CSMD2: variants seen among roughly 807,000 people sequenced by gnomAD.
CSMD2 encodes the protein CUB and Sushi multiple domains 2.
CSMD2 carries 130 observed loss-of-function variants against 398.5 expected under a neutral mutation model. The ratio of observed to expected loss-of-function variants is 0.33; its 90% CI spans 0.28 to 0.38. CSMD2 has a LOEUF of 0.38. Among genes scored for constraint, CSMD2 ranks in the 10% least tolerant of loss-of-function variants. The pLI, the probability that CSMD2 is intolerant of heterozygous loss-of-function variation, is 1.00. For synonymous variants in CSMD2, 1,828 were observed against 1,908.5 expected (o/e 0.96, Z 1.10); for missense variants, 3,829 against 4,764.9 (o/e 0.80, Z 5.78).
intron 13 of CSMD2, among the ~76,000 whole-genome samples, chr1:33,744,592 T>C (rs1647205169): frequency 6.6e-6 from 1 of 151,056 alleles, no homozygotes; most frequent in African/African-American, 2.4e-5. Context: ...AGAAAACAAA[T>C]AAATACTAAA....
intron 1 of CSMD2, among the ~76,000 whole-genome samples, chr1:34,092,918 G>C (rs1402306175): frequency 6.6e-6 from 1 of 152,036 alleles, no homozygotes; most frequent in East Asian, 1.9e-4. Context: ...AGCTCAAGGA[G>C]GCCTGCCTGC....
chr1:33,778,560 T>A (rs1312092320), intron 12 of CSMD2, among the ~76,000 whole-genome samples: 1 of 151,810 alleles, frequency 6.6e-6, no homozygotes, highest in Non-Finnish European at 1.5e-5. Flanking sequence ...GTATTTTTGA[T>A]CACTGTGTAC....
At chr1:33,932,101 T>C (rs994995863) in intron 4 of CSMD2, among the ~76,000 whole-genome samples, 8 of 152,150 alleles carry the variant, frequency 5.3e-5, no homozygotes, top group African/African-American at 1.9e-4. Flanking sequence ...CCACTGTTGG[T>C]GGGGACACTT....
In CSMD2 at chr1:34,076,307, A is replaced by G. The variant is rs963056376; in HGVS notation, c.404+12670T>C. 9.2e-5 allele frequency among the ~76,000 whole-genome samples: 14 copies of G among 152,366 alleles called. No individual in the cohort carries two copies. The South Asian group carries it at 2.5e-3, about 27-fold the overall frequency. On this transcript the variant is annotated intron_variant, in intron 2 of 70. Coordinates refer to ENST00000373381, the MANE Select transcript of CSMD2 (RefSeq NM_001281956.2). ...CTTGCCCAAGTTCACAGACATAGAA[A>G]GAGGAGTAAAACCCAGGTATGTCTT...
chr1:33,614,370 G>A (rs1641246090), intron 40 of CSMD2, 134 bp downstream of exon 40: 2 of 661,614 alleles, frequency 3.0e-6, no homozygotes, highest in African/African-American at 3.6e-5. Context: ...GAGGTCAACA[G>A]ATGAGAAAAC....
At chr1:33,986,210 C>T (rs575866351) in intron 3 of CSMD2, among the ~76,000 whole-genome samples, 8 of 152,166 alleles carry the variant, frequency 5.3e-5, no homozygotes, top group Admixed American at 1.3e-4. Flanking sequence ...CACTCAGCTC[C>T]GGCTTCTGGG....
At chr1:33,575,912 G>A (rs1660027533) in intron 49 of CSMD2, among the ~76,000 whole-genome samples, 1 of 152,146 alleles carries the variant, frequency 6.6e-6, no homozygotes, top group East Asian at 1.9e-4. Context: ...CCACTACTGG[G>A]AACCAAAGGA....
At chr1:33,615,191 C>A (rs918380310) in intron 39 of CSMD2, among the ~76,000 whole-genome samples, 7 of 152,194 alleles carry the variant, frequency 4.6e-5, no homozygotes, top group African/African-American at 1.7e-4. Context: ...GAGCCAACCA[C>A]CAGGCTGTCT....
intron 1 of CSMD2, among the ~76,000 whole-genome samples, chr1:34,148,752 A>ATTTG (rs1640015938): frequency 6.6e-6 from 1 of 152,198 alleles, no homozygotes; most frequent in African/African-American, 2.4e-5. Context: ...CCAAGAATGA[A>ATTTG]CTAGGACGAA....
chr1:34,107,584 C>T (rs1660645247), intron 1 of CSMD2, among the ~76,000 whole-genome samples: 1 of 152,178 alleles, frequency 6.6e-6, no homozygotes, highest in Non-Finnish European at 1.5e-5. Flanking sequence ...TCTGGTGCCA[C>T]ATCCTGTCTT....
chr1:34,087,235 C>T (rs2618775), intron 2 of CSMD2, among the ~76,000 whole-genome samples: 46,323 of 151,752 alleles, frequency 0.31, 7,244 homozygotes, highest in Admixed American at 0.37. Context: ...TCATAGCTCT[C>T]TTTCCCCTGG....
At chr1:33,856,853 G>A (rs966233350) in intron 5 of CSMD2, among the ~76,000 whole-genome samples, 5 of 151,780 alleles carry the variant, frequency 3.3e-5, no homozygotes, top group Admixed American at 2.0e-4. Flanking sequence ...TTGGAGAGGT[G>A]GCTTCACTTC....
intron 12 of CSMD2, among the ~76,000 whole-genome samples, chr1:33,784,830 T>C (rs1338675982): frequency 6.6e-6 from 1 of 152,200 alleles, no homozygotes; most frequent in Middle Eastern, 3.2e-3. Context: ...AGATCTCATT[T>C]CACTCTCCTA....
intron 3 of CSMD2, among the ~76,000 whole-genome samples, chr1:34,019,163 C>A (rs558586439): frequency 4.6e-5 from 7 of 152,194 alleles, no homozygotes; most frequent in Non-Finnish European, 7.3e-5. Context: ...TAGAAGAGTG[C>A]CTGGCACCTG....
chr1:34,085,925 A>G (rs1162067199), intron 2 of CSMD2, among the ~76,000 whole-genome samples: 1 of 150,602 alleles, frequency 6.6e-6, no homozygotes, highest in Non-Finnish European at 1.5e-5. Context: ...GAATGTGTGT[A>G]TGGGGTTGTG....
At chr1:34,103,045 A>G (rs1306118403) in intron 1 of CSMD2, among the ~76,000 whole-genome samples, 6 of 152,140 alleles carry the variant, frequency 3.9e-5, no homozygotes, top group African/African-American at 1.4e-4. Context: ...TGTTGGTTGA[A>G]TGAATGAATA....
At chr1:33,743,675 AG>A in intron 13 of CSMD2, 69 bp from the exon 14 acceptor site, 2 of 1,123,254 alleles carry the variant, frequency 1.8e-6, no homozygotes, top group Non-Finnish European at 1.3e-6. Context: ...GAGGGCTGGC[AG>A]GGGGAACATC....
chr1:34,062,186 G>A (rs187090349), intron 2 of CSMD2, among the ~76,000 whole-genome samples: 116 of 152,296 alleles, frequency 7.6e-4, no homozygotes, highest in African/African-American at 1.9e-3. Context: ...TGACCTTGCT[G>A]GGACCCAGGT....
At chr1:34,089,282 G>A in intron 1 of CSMD2, 89 bp from the exon 2 acceptor site, 1 of 1,281,218 alleles carries the variant, frequency 7.8e-7, no homozygotes, top group Non-Finnish European at 1.1e-6. Flanking sequence ...AGCAAATCAT[G>A]AACCCACTTT....
Sources: gnomAD v4.1 joint callset for allele counts (sites outside exome capture counted in the v4.1 genomes callset) on GRCh38, gnomAD v4.1.1 for gene constraint, MANE v1.5 for transcripts, NCBI Gene and HGNC (gene_info 2026-07-23, HGNC 2026-07-21) for gene names.